Variants in SLF1 observed in about 807,000 individuals in gnomAD.
SLF1 encodes the protein SMC5/6 complex localization factor 1, also known as SMC5-SMC6 complex localization factor protein 1.
Under a neutral mutation model 123.0 loss-of-function variants are expected in SLF1, and 105 were observed. The ratio of observed to expected loss-of-function variants is 0.85; its 90% CI spans 0.73 to 1.00. The LOEUF (loss-of-function observed/expected upper bound fraction) is 1.00, where lower values mean the gene tolerates loss of function less well. Among genes scored for constraint, SLF1 ranks in the 50% least tolerant of loss-of-function variants. SLF1 has a pLI of 0.00. For missense variants in SLF1, 1,239 were observed against 1,223.0 expected (o/e 1.01, Z -0.20); for synonymous variants, 434 against 406.6 (o/e 1.07, Z -0.81).
chr5:94,674,575 A>G (rs1750832817), intron 14 of SLF1, among the ~76,000 whole-genome samples: 2 of 152,216 alleles, frequency 1.3e-5, no homozygotes, highest in South Asian at 4.1e-4. Flanking sequence ...ATGCATGTTC[A>G]CAGACATCAT....
chr5:94,632,306 A>G (rs147401444), intron 4 of SLF1, among the ~76,000 whole-genome samples: 23 of 152,218 alleles, frequency 1.5e-4, no homozygotes, highest in African/African-American at 5.5e-4. Context: ...TCTTTAAGTG[A>G]GTCTTGAAAT....
At chr5:94,669,704 T>TA (rs11424313) in intron 12 of SLF1, among the ~76,000 whole-genome samples, 42,786 of 151,680 alleles carry the variant, frequency 0.28, 6,460 homozygotes, top group East Asian at 0.55. Flanking sequence ...TTAAAAACGC[T>TA]AAAAAAGTAG....
intron 14 of SLF1, among the ~76,000 whole-genome samples, chr5:94,675,893 C>T (rs1043746596): frequency 3.4e-5 from 5 of 148,432 alleles, no homozygotes; most frequent in Admixed American, 6.7e-5. Flanking sequence ...AGGGAAAGTC[C>T]CAACTGGTTG....
At chr5:94,685,854 C>G (rs1752362981) in intron 15 of SLF1, among the ~76,000 whole-genome samples, 1 of 151,704 alleles carries the variant, frequency 6.6e-6, no homozygotes, top group Non-Finnish European at 1.5e-5. Context: ...AAAAAATTAT[C>G]CACCATCCCC....
intron 11 of SLF1, among the ~76,000 whole-genome samples, chr5:94,664,908 C>T (rs1273625924): frequency 6.6e-6 from 1 of 152,114 alleles, no homozygotes; most frequent in East Asian, 1.9e-4. Flanking sequence ...GAAAAGTCAG[C>T]CCTCCACATA....
intron 14 of SLF1, among the ~76,000 whole-genome samples, chr5:94,677,489 A>G (rs546367851): frequency 6.6e-6 from 1 of 152,210 alleles, no homozygotes; most frequent in Admixed American, 6.5e-5. Flanking sequence ...ACAGAATGTT[A>G]TATATTATGT....
chr5:94,671,773 G>A (rs1750491754), intron 14 of SLF1, among the ~76,000 whole-genome samples: 1 of 149,306 alleles, frequency 6.7e-6, no homozygotes, highest in South Asian at 2.1e-4. Flanking sequence ...TCATTTCGTA[G>A]TTTGGTACTT....
intron 14 of SLF1, among the ~76,000 whole-genome samples, chr5:94,677,210 A>G (rs185963988): frequency 6.6e-6 from 1 of 152,218 alleles, no homozygotes; most frequent in Non-Finnish European, 1.5e-5. Context: ...CATGTAAACT[A>G]TGAAGACAAA....
chr5:94,631,655 G>T (rs535895025), intron 4 of SLF1, among the ~76,000 whole-genome samples: 2 of 152,180 alleles, frequency 1.3e-5, no homozygotes, highest in Admixed American at 6.5e-5. Flanking sequence ...TTCACATATT[G>T]GTAGATATTT....
chr5:94,673,451 G>C (rs902457392), intron 14 of SLF1, among the ~76,000 whole-genome samples: 2 of 151,970 alleles, frequency 1.3e-5, no homozygotes, highest in African/African-American at 4.8e-5. Context: ...GAAGTGGAAG[G>C]ATTGCTTGCG....
In SLF1 at chr5:94,639,037, C is replaced by CTTTTTTTTTTTTT. The variant is rs764031689; in HGVS notation, c.432-4227_432-4215dup. On this transcript the variant is annotated intron_variant, in intron 4 of 20. Transcript: ENST00000265140. Reference sequence around the variant, plus strand: ...TTTCTCATCTCTTTTCTTTTCTTCCCTTTTTTTTTTTTTTTTTTTTTGAGA... The same window carrying CTTTTTTTTTTTTT: ...TTTCTCATCTCTTTTCTTTTCTTCCCTTTTTTTTTTTTTTTTTTTTTTTTTTTTTTTTTTGAGA... Among the ~76,000 whole-genome samples, 37 of 88,954 alleles carry CTTTTTTTTTTTTT rather than the reference C, an allele frequency of 4.2e-4. 1 individual carries two copies. The highest frequency in any genetic ancestry group is 1.0e-3 in the East Asian group (3 of 3,014). The allele number at this position is 88,954 out of a possible 152,430, so 58.4% of individuals were successfully genotyped here.
In SLF1 at chr5:94,695,279, A is replaced by G. The variant is rs144149470; in HGVS notation, c.3144A>G (p.Glu1048=). 406 of 1,611,112 alleles carry G rather than the reference A, an allele frequency of 2.5e-4. No individual in the cohort carries two copies. The highest frequency in any genetic ancestry group is 3.3e-4 in the Non-Finnish European group (394 of 1,178,152). ...VHTEALMITL[E]MMCRSVMEFS ...CTGAGGCCTTGATGATAACATTGGA[A>G]ATGATGTGTCGGTCAGTCATGGAGT... The change falls in exon 21 of 21, where the codon GAA becomes GAG. Residue 1048 remains glutamate, a synonymous_variant. Coordinates refer to ENST00000265140, the MANE Select transcript of SLF1 (RefSeq NM_032290.4).
intron 1 of SLF1, among the ~76,000 whole-genome samples, chr5:94,623,771 T>C (rs1791997748): frequency 6.6e-6 from 1 of 152,140 alleles, no homozygotes; most frequent in Admixed American, 6.5e-5. Context: ...AGTGCTCTTT[T>C]TGGCCTCATT....
In SLF1 at chr5:94,663,119, C is replaced by G. The variant is rs530001560; in HGVS notation, c.1210-631C>G. Among the ~76,000 whole-genome samples the G allele has an allele frequency of 4.1e-4, 62 of 152,304 alleles. 1 individual carries two copies. The South Asian group carries it at 8.3e-3, about 20-fold the overall frequency. On this transcript the variant is annotated intron_variant, in intron 10 of 20. Transcript: ENST00000265140. ...AGAAAACCAAAAAATAATTTTTCACCTAAAGAACTATGTCGCTGTAGCTCT... is the reference window on the plus strand; with the variant it reads ...AGAAAACCAAAAAATAATTTTTCACGTAAAGAACTATGTCGCTGTAGCTCT...
chr5:94,639,086 G>C (rs1048405834), intron 4 of SLF1, among the ~76,000 whole-genome samples: 1 of 132,068 alleles, frequency 7.6e-6, no homozygotes, highest in Non-Finnish European at 1.5e-5. Context: ...TGTTGCTCAG[G>C]CTGGAGTGCA....
intron 15 of SLF1, among the ~76,000 whole-genome samples, chr5:94,682,641 A>C (rs1418117454): frequency 2.6e-5 from 4 of 152,232 alleles, no homozygotes; most frequent in Non-Finnish European, 5.9e-5. Flanking sequence ...GAATTAAGGC[A>C]ACAGATATTT....
intron 4 of SLF1, among the ~76,000 whole-genome samples, chr5:94,640,693 A>T (rs751185017): frequency 6.6e-6 from 1 of 152,054 alleles, no homozygotes; most frequent in African/African-American, 2.4e-5. Flanking sequence ...TTTAGTTGGG[A>T]TAATTCTATT....
intron 1 of SLF1, 124 bp from the exon 2 acceptor site, chr5:94,628,687 A>C (rs1744879077): frequency 1.9e-6 from 1 of 529,538 alleles, no homozygotes. Context: ...GCTGTGCCTA[A>C]CATCTTTAAT....
At chr5:94,690,607 AT>A (rs1354563121) in intron 18 of SLF1, among the ~76,000 whole-genome samples, 1 of 152,208 alleles carries the variant, frequency 6.6e-6, no homozygotes, top group East Asian at 1.9e-4. Flanking sequence ...ATGTAAAAAA[AT>A]GTTTTTGTAG....
Sources: allele counts gnomAD v4.1 joint callset (sites outside exome capture counted in the v4.1 genomes callset), GRCh38; gene constraint gnomAD v4.1.1; transcripts MANE v1.5; gene names NCBI Gene and HGNC (gene_info 2026-07-23, HGNC 2026-07-21).